Variants in DLC1 observed in about 807,000 individuals in gnomAD.
DLC1 encodes the protein rho GTPase-activating protein 7.
Under a neutral mutation model 140.3 loss-of-function variants are expected in DLC1, and 54 were observed. That is an observed-to-expected ratio of 0.38 (90% CI 0.31 to 0.48). The LOEUF is 0.48. Among genes scored for constraint, DLC1 ranks in the 20% least tolerant of loss-of-function variants. DLC1 has a pLI of 0.96. For missense variants in DLC1, 2,536 were observed against 1,907.0 expected, an observed-to-expected ratio of 1.33 and a Z score of -6.14; for synonymous variants, 986 against 728.1, an observed-to-expected ratio of 1.35 and a Z score of -5.70.
At chr8:13,459,906 C>A (rs1251517947) in intron 2 of DLC1, among the ~76,000 whole-genome samples, 1 of 152,174 alleles carries the variant, frequency 6.6e-6, no homozygotes, top group Non-Finnish European at 1.5e-5. Flanking sequence ...CCTGGTGACA[C>A]GCCCTCATCT....
intron 17 of DLC1, 154 bp downstream of exon 17, chr8:13,086,136 C>A: frequency 2.2e-6 from 3 of 1,333,804 alleles, no homozygotes; most frequent in Non-Finnish European, 3.0e-6. Context: ...GCTGAAAGAC[C>A]AACAAACATG....
At chr8:13,586,237 G>A (rs1805305718) in intron 1 of DLC1, among the ~76,000 whole-genome samples, 1 of 152,134 alleles carries the variant, frequency 6.6e-6, no homozygotes, top group Non-Finnish European at 1.5e-5. Flanking sequence ...GGCAGGAAGG[G>A]CAATTTGGAT....
At chr8:13,415,775 T>G (rs902386587) in intron 2 of DLC1, among the ~76,000 whole-genome samples, 3 of 152,160 alleles carry the variant, frequency 2.0e-5, no homozygotes, top group South Asian at 2.1e-4. Flanking sequence ...AAGTGCTGGA[T>G]AGTATGTTCA....
intron 2 of DLC1, among the ~76,000 whole-genome samples, chr8:13,482,785 C>G (rs1419302676): frequency 6.6e-6 from 1 of 152,180 alleles, no homozygotes; most frequent in Non-Finnish European, 1.5e-5. Context: ...CTTGTCTTCA[C>G]TCAATCACTC....
At chr8:13,153,275 T>TA (rs1298327407) in intron 5 of DLC1, among the ~76,000 whole-genome samples, 1 of 152,190 alleles carries the variant, frequency 6.6e-6, no homozygotes, top group African/African-American at 2.4e-5. Context: ...CTGTGAGTGT[T>TA]ACAGCCCTTA....
intron 4 of DLC1, among the ~76,000 whole-genome samples, chr8:13,350,102 C>T (rs188958130): frequency 3.2e-4 from 49 of 152,158 alleles, no homozygotes; most frequent in Non-Finnish European, 5.0e-4. Context: ...GATCAAATGA[C>T]GCCTCTGTGG....
chr8:13,099,450 C>T lies in DLC1; in HGVS notation c.2887G>A (p.Asp963Asn). 2 of 1,614,078 alleles carry T rather than the reference C, an allele frequency of 1.2e-6. No homozygotes were observed. Among genetic ancestry groups the T allele is most frequent in the Non-Finnish European group, 1.7e-6 (2 of 1,180,022 alleles). Residue 963 changes from aspartate to asparagine, a missense_variant, in exon 9 of 18, where the codon GAC (aspartate) becomes AAC (asparagine). Physicochemically the swap from Asp to Asn is conservative, Grantham distance 23. Transcript: ENST00000276297. Reference sequence around the variant, plus strand: ...AGGGAGTTGCCTGTGCTGTCCAGGTCGCTGGGTGTGGTTCGGTCGTTGTCC... The same window carrying T: ...AGGGAGTTGCCTGTGCTGTCCAGGTTGCTGGGTGTGGTTCGGTCGTTGTCC... Reference protein sequence around the residue: ...DVDNDRTTPSDLDSTGNSLNE... With the variant: ...DVDNDRTTPSNLDSTGNSLNE...
intron 1 of DLC1, among the ~76,000 whole-genome samples, chr8:13,545,404 T>C (rs1803619510): frequency 6.6e-6 from 1 of 151,892 alleles, no homozygotes; most frequent in East Asian, 1.9e-4. Context: ...CAGGAAAACT[T>C]AGGTTGTTTC....
At chr8:13,455,022 AC>A (rs1279553166) in intron 2 of DLC1, among the ~76,000 whole-genome samples, 3 of 152,142 alleles carry the variant, frequency 2.0e-5, no homozygotes, top group Non-Finnish European at 1.5e-5. Context: ...TGCCTGATAC[AC>A]GGTAGACTTG....
intron 1 of DLC1, chr8:13,567,229 G>T (rs1019117061): frequency 6.4e-7 from 1 of 1,551,412 alleles, no homozygotes; most frequent in African/African-American, 1.4e-5. Flanking sequence ...TAAAAATTAT[G>T]AAAAGAAGTT....
chr8:13,487,621 T>G (rs1197269360), intron 2 of DLC1, among the ~76,000 whole-genome samples: 1 of 151,834 alleles, frequency 6.6e-6, no homozygotes, highest in Admixed American at 6.6e-5. Context: ...TTGCCCAGGC[T>G]GGAGTGCAAT....
intron 1 of DLC1, among the ~76,000 whole-genome samples, chr8:13,572,311 G>A (rs1005340893): frequency 5.9e-5 from 9 of 152,066 alleles, no homozygotes; most frequent in Middle Eastern, 6.8e-3. Context: ...GGATGGTCTC[G>A]ATCTCCTGAC....
chr8:13,394,469 C>G (rs992066986), intron 3 of DLC1, among the ~76,000 whole-genome samples: 3 of 150,134 alleles, frequency 2.0e-5, no homozygotes, highest in Non-Finnish European at 2.9e-5. Flanking sequence ...ATAGAATTAC[C>G]TGGTAACCTC....
At chr8:13,172,212 A>G (rs551384563) in intron 5 of DLC1, among the ~76,000 whole-genome samples, 6 of 152,192 alleles carry the variant, frequency 3.9e-5, no homozygotes, top group South Asian at 2.1e-4. Context: ...CTAGCCTTGT[A>G]TGGGTGCTTC....
chr8:13,375,035 T>C (rs1007542829), intron 4 of DLC1, among the ~76,000 whole-genome samples: 2 of 150,912 alleles, frequency 1.3e-5, no homozygotes, highest in African/African-American at 4.9e-5. Flanking sequence ...TGATTTTTTT[T>C]TTTTTTTTTT....
intron 1 of DLC1, among the ~76,000 whole-genome samples, chr8:13,604,298 C>T (rs902937970): frequency 6.6e-6 from 1 of 152,100 alleles, no homozygotes; most frequent in Admixed American, 6.6e-5. Context: ...GAAAGCATTA[C>T]ACATTTTTGG....
At chr8:13,346,137 C>G (rs1365643031) in intron 4 of DLC1, among the ~76,000 whole-genome samples, 1 of 152,172 alleles carries the variant, frequency 6.6e-6, no homozygotes, top group Admixed American at 6.5e-5. Flanking sequence ...GAAATTATTA[C>G]TTACTTGAGT....
rs1228717944 is a variant in DLC1 at position 13,378,122 on chromosome 8, C to T, written c.1314+15431G>A. 3.6e-5 allele frequency among the ~76,000 whole-genome samples: 5 copies of T among 137,588 alleles called. No individual in the cohort carries two copies. In the South Asian group the frequency reaches 1.2e-3, roughly 33 times the overall value. 90.3% of individuals were successfully genotyped at this position (137,588 alleles called of 152,430 possible). A position where few individuals can be genotyped will look rare whatever the true frequency, so the allele number is the denominator to read the frequency against. On this transcript the variant is annotated intron_variant, in intron 4 of 17. Coordinates refer to ENST00000276297, the MANE Select transcript of DLC1 (RefSeq NM_182643.3). The stretch of plus-strand genomic sequence containing the variant: ...TACTTTAAGTTTTAGGGTACATGTG[C>T]ACAATGTGCAGGTTTGTTACATATG...
chr8:13,113,624 T>C (rs995642385), intron 6 of DLC1, among the ~76,000 whole-genome samples: 3 of 152,254 alleles, frequency 2.0e-5, no homozygotes, highest in African/African-American at 7.2e-5. Flanking sequence ...GGACAGCCAC[T>C]TTGGTGTTAC....
Sources: allele counts gnomAD v4.1 joint callset (sites outside exome capture counted in the v4.1 genomes callset), GRCh38; gene constraint gnomAD v4.1.1; transcripts MANE v1.5; gene names NCBI Gene and HGNC (gene_info 2026-07-23, HGNC 2026-07-21).